Variants in TAOK3 observed in about 807,000 individuals in gnomAD.
The protein encoded by TAOK3 is TAO kinase 3.
TAOK3 carries 40 observed loss-of-function variants against 120.4 expected under a neutral mutation model. That is an observed-to-expected ratio of 0.33 (90% CI 0.26 to 0.43). TAOK3 has a LOEUF of 0.43. Ranked by LOEUF, TAOK3 falls within the 20% of genes least tolerant of loss-of-function variation. TAOK3 has a pLI of 1.00. For missense variants in TAOK3, 821 were observed against 1,112.1 expected (o/e 0.74, Z 3.72); for synonymous variants, 355 against 387.5 (o/e 0.92, Z 0.99).
intron 1 of TAOK3, among the ~76,000 whole-genome samples, chr12:118,271,199 A>G (rs1426618106): frequency 6.6e-6 from 1 of 152,220 alleles, no homozygotes; most frequent in Non-Finnish European, 1.5e-5. Flanking sequence ...TAAAGTGTAC[A>G]ATTCAATGGT....
At position 118,169,324 on chromosome 12, in the gene TAOK3, C is replaced by G. The variant is rs186068480; in HGVS notation, c.1899+3133G>C. Reference sequence around the variant, plus strand: ...CCACCACGCCCACCCCCACCCCCCCCCCTTTTTTTTTAAAGACAGTCTCAC... The same window carrying G: ...CCACCACGCCCACCCCCACCCCCCCGCCTTTTTTTTTAAAGACAGTCTCAC... On this transcript the variant is annotated intron_variant, in intron 17 of 20. Transcript: ENST00000392533. Among the ~76,000 whole-genome samples, 8 of 109,590 alleles carry G rather than the reference C, an allele frequency of 7.3e-5. No individual in the cohort carries two copies. The South Asian group carries it at 9.4e-4, about 13-fold the overall frequency. The allele number at this position is 109,590 out of a possible 152,430, so 71.9% of individuals were successfully genotyped here.
chr12:118,172,490 C>T lies in TAOK3; in HGVS notation c.1866G>A (p.Lys622=), dbSNP rs983086413. The part of the protein sequence containing the change: ...CRFFKRKIMI[K]RHEVEQQNIR... ...TGTTCTGCTGCTCCACCTCGTGCCGCTTGATCATTATTTTCCGCTTGAAGA... is the reference window on the plus strand; with the variant it reads ...TGTTCTGCTGCTCCACCTCGTGCCGTTTGATCATTATTTTCCGCTTGAAGA... Residue 622 remains lysine (K), a synonymous_variant, in exon 17 of 21, where the codon AAG becomes AAA. Transcript: ENST00000392533. The T allele has an allele frequency of 6.2e-7, 1 of 1,614,012 alleles. No individual in the cohort carries two copies. The highest frequency in any genetic ancestry group is 2.2e-5 in the East Asian group (1 of 44,890).
chr12:118,176,093 G>A (rs546133110), intron 16 of TAOK3, among the ~76,000 whole-genome samples: 1 of 152,308 alleles, frequency 6.6e-6, no homozygotes, highest in African/African-American at 2.4e-5. Context: ...CTTGGCTGAG[G>A]CAGTTAGAAA....
intron 1 of TAOK3, among the ~76,000 whole-genome samples, chr12:118,310,823 T>C (rs1489636745): frequency 6.6e-6 from 1 of 152,228 alleles, no homozygotes; most frequent in Non-Finnish European, 1.5e-5. Flanking sequence ...CAAGAATGTG[T>C]AAACCGTGTA....
chr12:118,189,182 A>G (rs2037264379), intron 14 of TAOK3, among the ~76,000 whole-genome samples: 1 of 152,220 alleles, frequency 6.6e-6, no homozygotes, highest in South Asian at 2.1e-4. Flanking sequence ...GGGGAAGTGC[A>G]GCCACTACCA....
intron 6 of TAOK3, among the ~76,000 whole-genome samples, chr12:118,238,911 G>A (rs761719132): frequency 1.3e-5 from 2 of 152,144 alleles, no homozygotes; most frequent in Non-Finnish European, 1.5e-5. Context: ...TCAATATAAC[G>A]TGAGACTATC....
intron 1 of TAOK3, among the ~76,000 whole-genome samples, chr12:118,271,252 G>A (rs1465294402): frequency 2.6e-5 from 4 of 152,138 alleles, no homozygotes; most frequent in South Asian, 4.1e-4. Context: ...ATGTACAACC[G>A]TTACCAACCA....
chr12:118,344,179 TA>T (rs1437924165), intron 1 of TAOK3, among the ~76,000 whole-genome samples: 5 of 149,800 alleles, frequency 3.3e-5, no homozygotes, highest in Non-Finnish European at 7.4e-5. Flanking sequence ...CCAGAGCCCC[TA>T]ATGTATTGAG....
Position 118,150,211 on chromosome 12 carries a change from G to A in TAOK3, c.*786C>T, listed in dbSNP as rs533054546. 12 of 152,496 alleles carry A rather than the reference G, an allele frequency of 7.9e-5. No individual in the cohort carries two copies. The highest frequency in any genetic ancestry group is 1.5e-4 in the Non-Finnish European group (10 of 68,014). The allele number at this position is 152,496 out of a possible 1,614,324, so 9.4% of individuals were successfully genotyped here. On this transcript the variant is annotated 3_prime_UTR_variant, in exon 21 of 21. Coordinates refer to ENST00000392533, the MANE Select transcript of TAOK3 (RefSeq NM_016281.4). ...AATTCCTTCTATACACAAAATACAC[G>A]ATTTGCCAAAGCCCAATTTGTGCTA...
intron 13 of TAOK3, among the ~76,000 whole-genome samples, chr12:118,194,354 G>A (rs1289621286): frequency 2.6e-5 from 4 of 152,134 alleles, no homozygotes; most frequent in African/African-American, 9.7e-5. Context: ...AGATGAAAAA[G>A]CATATCTTAA....
At chr12:118,234,169 A>C (rs1253339274) in intron 8 of TAOK3, among the ~76,000 whole-genome samples, 1 of 149,860 alleles carries the variant, frequency 6.7e-6, no homozygotes, top group Non-Finnish European at 1.5e-5. Flanking sequence ...TAGTTCCATA[A>C]AGTATTTTTC....
chr12:118,219,717 C>G (rs1366015756), intron 9 of TAOK3, among the ~76,000 whole-genome samples: 2 of 150,448 alleles, frequency 1.3e-5, no homozygotes, highest in Non-Finnish European at 2.9e-5. Flanking sequence ...ATTTCTGTCT[C>G]CTGAGTAGCT....
chr12:118,238,681 C>T (rs545185623), intron 6 of TAOK3, among the ~76,000 whole-genome samples: 24 of 150,644 alleles, frequency 1.6e-4, no homozygotes, highest in Non-Finnish European at 2.8e-4. Context: ...GTTACCCAGG[C>T]TGGAGTGCAG....
chr12:118,258,507 A>C (rs1206836920), intron 2 of TAOK3, among the ~76,000 whole-genome samples: 1 of 152,106 alleles, frequency 6.6e-6, no homozygotes, highest in East Asian at 1.9e-4. Context: ...AGGTCAAGAG[A>C]TCAAGACCAT....
At chr12:118,200,992 C>T (rs2139273159) in intron 12 of TAOK3, 1 of 241,130 alleles carries the variant, frequency 4.1e-6, no homozygotes, top group African/African-American at 2.2e-5. Context: ...CTAGAACACC[C>T]TATGCCCATT....
rs566315719 is a variant in TAOK3, at chr12:118,371,106, T to C, written c.-194+1542A>G. 4.6e-5 allele frequency among the ~76,000 whole-genome samples: 7 copies of C among 152,344 alleles called. No individual in the cohort carries two copies. The East Asian group carries it at 1.2e-3, about 25-fold the overall frequency. ...TCTGCATTGTAAACATTGATACTGA[T>C]ATGCTGCCAAATCTAAAAAAGTTTC... On this transcript the variant is annotated intron_variant, in intron 1 of 20. Transcript: ENST00000392533. The surrounding 1 kb of genome is among the most constrained non-coding windows in gnomAD (Gnocchi z 5.5).
chr12:118,365,931 A>G (rs1318142980), intron 1 of TAOK3, among the ~76,000 whole-genome samples: 1 of 152,214 alleles, frequency 6.6e-6, no homozygotes, highest in Non-Finnish European at 1.5e-5. Flanking sequence ...TTACACATAC[A>G]TACCCTGAAA....
chr12:118,210,774 T>C (rs1449064270), intron 11 of TAOK3, among the ~76,000 whole-genome samples: 2 of 151,108 alleles, frequency 1.3e-5, no homozygotes, highest in African/African-American at 4.9e-5. Context: ...AGTGTCGCTC[T>C]GTTGCCCCGG....
chr12:118,156,214 C>T (rs1268362844), intron 19 of TAOK3, among the ~76,000 whole-genome samples: 1 of 152,168 alleles, frequency 6.6e-6, no homozygotes, highest in South Asian at 2.1e-4. Flanking sequence ...CTGATCCTAA[C>T]CCTCTACTTC....
Sources: gnomAD v4.1 joint callset for allele counts (sites outside exome capture counted in the v4.1 genomes callset) on GRCh38, gnomAD v4.1.1 for gene constraint, Gnocchi (gnomAD v3.1) non-coding constraint, MANE v1.5 for transcripts, NCBI Gene and HGNC (gene_info 2026-07-23, HGNC 2026-07-21) for gene names.